STAT4: variants seen among roughly 807,000 people sequenced by gnomAD.
STAT4 encodes the protein signal transducer and activator of transcription 4.
In STAT4, 42 loss-of-function variants were observed where a neutral mutation model predicts 110.5. That is an observed-to-expected ratio of 0.38 (90% CI 0.30 to 0.49). The LOEUF (loss-of-function observed/expected upper bound fraction) is 0.49. Ranked by LOEUF, STAT4 falls within the 20% of genes least tolerant of loss-of-function variation. STAT4 has a pLI of 0.95. For missense variants in STAT4, 632 were observed against 887.9 expected (o/e 0.71, Z 3.66); for synonymous variants, 284 against 302.2 (o/e 0.94, Z 0.63).
rs1195905009 is a variant in STAT4 at position 191,033,085 on chromosome 2, A to G, written c.1917T>C (p.Ala639=). The change falls in exon 21 of 24, where the codon GCT becomes GCC. Residue 639 remains alanine, a synonymous_variant. Coordinates refer to ENST00000392320, the MANE Select transcript of STAT4 (RefSeq NM_003151.4). This position sits in a 1 kb window ranked among gnomAD's most constrained non-coding sequence, Gnocchi z 6.9. ...TAACTTTGTAGTCTCGCAGGATGTC[A>G]GCGAATGGCAGAGCAGACAACCGGC... ...NKGRLSALPF[A]DILRDYKVIM... is the part of the protein sequence containing the mutation. 1.2e-5 allele frequency: 19 copies of G among 1,614,068 alleles called. 1 individual carries two copies. The African/African-American group carries it at 1.7e-4, about 15-fold the overall frequency.
intron 15 of STAT4, among the ~76,000 whole-genome samples, chr2:191,040,708 C>T (rs547386659): frequency 3.7e-4 from 56 of 152,196 alleles, no homozygotes; most frequent in African/African-American, 1.3e-3. Flanking sequence ...ACTACAGGCA[C>T]ATGCCACCAC....
chr2:191,030,887 A>G lies in STAT4; in HGVS notation c.2220+85T>C. On this transcript the variant is annotated intron_variant, in intron 23 of 23. Transcript: ENST00000392320. This position sits in a 1 kb window ranked among gnomAD's most constrained non-coding sequence, Gnocchi z 4.4. ...AAATGTGTTTTCTCCCTACCCAGGC[A>G]GTATTTCAGCCCCTTTGATTCACAC... The G allele has an allele frequency of 3.3e-6, 4 of 1,216,060 alleles. No homozygotes were observed. The highest frequency in any genetic ancestry group is 1.2e-5 in the South Asian group (1 of 80,398). 75.3% of individuals were successfully genotyped at this position (1,216,060 alleles called of 1,614,324 possible). A position where few individuals can be genotyped will look rare whatever the true frequency, so the allele number is the denominator to read the frequency against.
chr2:191,058,307 A>C lies in STAT4; in HGVS notation c.1095-88T>G. ...GATAGTTTATTTTATTTATTTATTT[A>C]TTTATTTTGAGACAGAGTCTCGCTC... is the stretch of plus-strand genomic sequence containing the variant. On this transcript the variant is annotated intron_variant, in intron 11 of 23. Transcript: ENST00000392320. This position sits in a 1 kb window ranked among gnomAD's most constrained non-coding sequence, Gnocchi z 4.3. 1 of 1,307,480 alleles carries C rather than the reference A, an allele frequency of 7.6e-7. No homozygotes were observed. The highest frequency in any genetic ancestry group is 1.4e-5 in the South Asian group (1 of 73,926). 81.0% of individuals were successfully genotyped at this position (1,307,480 alleles called of 1,614,324 possible). A position where few individuals can be genotyped will look rare whatever the true frequency, so the allele number is the denominator to read the frequency against.
rs373931421 is a variant in STAT4, at chr2:191,148,044, T to A, written c.128+32A>T. On this transcript the variant is annotated intron_variant, in intron 2 of 23. Transcript: ENST00000392320. Reference sequence around the variant, plus strand: ...GGATAGAGCATCAGACATTTGTGCATCAACTTCTAGGGAAAATATGTTTGA... The same window carrying A: ...GGATAGAGCATCAGACATTTGTGCAACAACTTCTAGGGAAAATATGTTTGA... The A allele has an allele frequency of 1.1e-5, 17 of 1,612,446 alleles. 1 individual carries two copies. The South Asian group carries it at 1.6e-4, about 16-fold the overall frequency.
chr2:191,109,148 C>T lies in STAT4; in HGVS notation c.274-32823G>A, dbSNP rs559528139. ...CACTGATTTCCTGTGGGTCGCAGGG[C>T]ATCACTAGGAGGCAGGGGGAATTAT... On this transcript the variant is annotated intron_variant, in intron 3 of 23. Coordinates refer to ENST00000392320, the MANE Select transcript of STAT4 (RefSeq NM_003151.4). Among the ~76,000 whole-genome samples, 4 of 152,294 alleles carry T rather than the reference C, an allele frequency of 2.6e-5. No individual in the cohort carries two copies. In the East Asian group the frequency reaches 7.7e-4, roughly 29 times the overall value.
intron 15 of STAT4, among the ~76,000 whole-genome samples, chr2:191,040,552 C>A (rs189181029): frequency 3.8e-4 from 58 of 151,972 alleles, no homozygotes; most frequent in African/African-American, 1.3e-3. Flanking sequence ...TTTTTATTTT[C>A]TTTTATTTTT....
intron 3 of STAT4, among the ~76,000 whole-genome samples, chr2:191,096,985 CAGAG>C (rs1698005765): frequency 6.6e-6 from 1 of 152,094 alleles, no homozygotes; most frequent in Non-Finnish European, 1.5e-5. Flanking sequence ...AACAGACAAA[CAGAG>C]AGCCAAATCA....
At position 191,042,738 on chromosome 2, in the gene STAT4, G is replaced by T. The variant is rs943227698; in HGVS notation, c.1252-1590C>A. On this transcript the variant is annotated intron_variant, in intron 14 of 23. Transcript: ENST00000392320. The surrounding 1 kb of genome is among the most constrained non-coding windows in gnomAD (Gnocchi z 4.2). ...GATAGGCAAAATATTAATCATTGTTGAAGTTAGGTGATGCTTAAATTCATT... is the reference window on the plus strand; with the variant it reads ...GATAGGCAAAATATTAATCATTGTTTAAGTTAGGTGATGCTTAAATTCATT... 1.3e-5 allele frequency among the ~76,000 whole-genome samples: 2 copies of T among 151,798 alleles called. No homozygotes were observed. Among genetic ancestry groups the T allele is most frequent in the Admixed American group, 1.3e-4 (2 of 15,248 alleles).
At chr2:191,055,466 G>T (rs1210659767) in intron 13 of STAT4, among the ~76,000 whole-genome samples, 1 of 142,744 alleles carries the variant, frequency 7.0e-6, no homozygotes, top group Admixed American at 7.4e-5. Flanking sequence ...TGATCCACCC[G>T]CCTCGGCCTC....
intron 3 of STAT4, among the ~76,000 whole-genome samples, chr2:191,123,510 T>C (rs1201603306): frequency 1.3e-5 from 2 of 152,216 alleles, no homozygotes; most frequent in Non-Finnish European, 2.9e-5. Context: ...GAAATACAGA[T>C]GCTTCTCCAC....
chr2:191,073,284 C>A, intron 4 of STAT4, 94 bp from the exon 5 acceptor site: 2 of 942,622 alleles, frequency 2.1e-6, no homozygotes, highest in South Asian at 2.8e-5. Context: ...AGGTCTGGAT[C>A]AATGTGATAT....
chr2:191,102,710 G>C (rs1158819676), intron 3 of STAT4, among the ~76,000 whole-genome samples: 2 of 152,146 alleles, frequency 1.3e-5, no homozygotes, highest in African/African-American at 4.8e-5. Context: ...TCCATGTCAA[G>C]ATAAGGCATT....
At chr2:191,137,362 A>G (rs1699207278) in intron 3 of STAT4, among the ~76,000 whole-genome samples, 1 of 152,222 alleles carries the variant, frequency 6.6e-6, no homozygotes, top group South Asian at 2.1e-4. Context: ...AAGAGGACAC[A>G]AACAAATGGA....
chr2:191,079,864 T>C (rs1263981057), intron 3 of STAT4, among the ~76,000 whole-genome samples: 3 of 152,162 alleles, frequency 2.0e-5, no homozygotes, highest in Non-Finnish European at 2.9e-5. Context: ...TATTAATATC[T>C]TGTAAATGTT....
At chr2:191,106,915 T>C (rs1399212138) in intron 3 of STAT4, among the ~76,000 whole-genome samples, 3 of 152,140 alleles carry the variant, frequency 2.0e-5, no homozygotes, top group Non-Finnish European at 4.4e-5. Context: ...TGTAATACTC[T>C]AGGTGAGAAG....
chr2:191,090,442 TAAC>T lies in STAT4; in HGVS notation c.274-14120_274-14118del, dbSNP rs1364173201. The stretch of plus-strand genomic sequence containing the variant: ...GTATAGGCTGTTGATGGATCTAAAT[TAAC>T]AATGCTCTGTTATTATTTATAATAA... On this transcript the variant is annotated intron_variant, in intron 3 of 23. Transcript: ENST00000392320. The surrounding 1 kb of genome is among the most constrained non-coding windows in gnomAD (Gnocchi z 4.2). 6.7e-6 allele frequency among the ~76,000 whole-genome samples: 1 copy of T among 149,762 alleles called. No individual in the cohort carries two copies. Among genetic ancestry groups the T allele is most frequent in the Non-Finnish European group, 1.5e-5 (1 of 67,366 alleles).
intron 3 of STAT4, among the ~76,000 whole-genome samples, chr2:191,097,913 A>AG (rs905219139): frequency 3.0e-5 from 2 of 65,602 alleles, no homozygotes; most frequent in Non-Finnish European, 7.3e-5. Context: ...CAAATTTACA[A>AG]GAAAAAAAAA....
In STAT4 at chr2:191,033,850, C is replaced by A; in HGVS notation, c.1715+61G>T. On this transcript the variant is annotated intron_variant, in intron 19 of 23. Transcript: ENST00000392320. The surrounding 1 kb of genome is among the most constrained non-coding windows in gnomAD (Gnocchi z 6.9). Reference sequence around the variant, plus strand: ...TTAAGAGAAAAAGAAAGAAGAAAACCAATAACAACAGAAAAAAAGAACATA... The same window carrying A: ...TTAAGAGAAAAAGAAAGAAGAAAACAAATAACAACAGAAAAAAAGAACATA... 1.4e-6 allele frequency: 2 copies of A among 1,442,190 alleles called. No homozygotes were observed. The highest frequency in any genetic ancestry group is 1.3e-5 in the South Asian group (1 of 77,154). 89.3% of individuals were successfully genotyped at this position (1,442,190 alleles called of 1,614,324 possible). A position where few individuals can be genotyped will look rare whatever the true frequency, so the allele number is the denominator to read the frequency against.
intron 3 of STAT4, among the ~76,000 whole-genome samples, chr2:191,124,453 C>CAAAA (rs34438452): frequency 2.8e-5 from 2 of 71,226 alleles, no homozygotes; most frequent in Non-Finnish European, 5.2e-5. Flanking sequence ...GACGCCGTCT[C>CAAAA]AAAAAAAAAA....
Sources: allele counts gnomAD v4.1 joint callset (sites outside exome capture counted in the v4.1 genomes callset), GRCh38; gene constraint gnomAD v4.1.1; non-coding constraint Gnocchi (gnomAD v3.1); transcripts MANE v1.5; gene names NCBI Gene and HGNC (gene_info 2026-07-23, HGNC 2026-07-21).